The following PIP4K2A variants were observed in gnomAD, a reference collection of about 807,000 sequenced individuals.
PIP4K2A encodes phosphatidylinositol-5-phosphate 4-kinase type 2 alpha.
PIP4K2A carries 14 observed loss-of-function variants against 42.9 expected under a neutral mutation model. The ratio of observed to expected loss-of-function variants is 0.33; its 90% CI spans 0.22 to 0.51. PIP4K2A has a LOEUF of 0.51. PIP4K2A is among the 20% of genes least tolerant of loss of function. The pLI is 0.97. For synonymous variants in PIP4K2A, 192 were observed against 192.2 expected (o/e 1.00, Z 0.01); for missense variants, 434 against 519.8 (o/e 0.83, Z 1.61).
chr10:22,600,326 C>T (rs573083688), intron 3 of PIP4K2A, among the ~76,000 whole-genome samples: 3 of 152,022 alleles, frequency 2.0e-5, no homozygotes, highest in Admixed American at 6.6e-5. Flanking sequence ...AAGCCACCCT[C>T]GTATAAGGGA....
intron 6 of PIP4K2A, among the ~76,000 whole-genome samples, chr10:22,561,102 G>T (rs1301919454): frequency 1.3e-5 from 2 of 152,174 alleles, no homozygotes; most frequent in African/African-American, 2.4e-5. Flanking sequence ...TTTAGAGGAG[G>T]CGAAACTGCT....
intron 5 of PIP4K2A, 94 bp downstream of exon 5, chr10:22,573,217 G>A (rs943962023): frequency 3.3e-5 from 37 of 1,117,264 alleles, no homozygotes; most frequent in Non-Finnish European, 4.5e-5. Context: ...AGTGCTGAGC[G>A]GCTCCTAAGC....
At chr10:22,683,999 CTGAA>C (rs1839714293) in intron 1 of PIP4K2A, among the ~76,000 whole-genome samples, 2 of 152,120 alleles carry the variant, frequency 1.3e-5, no homozygotes. Context: ...CCATTAGAAA[CTGAA>C]TGATTCCTAT....
chr10:22,579,404 TCTC>T (rs1366654291), intron 4 of PIP4K2A, among the ~76,000 whole-genome samples: 2 of 152,222 alleles, frequency 1.3e-5, no homozygotes, highest in Non-Finnish European at 1.5e-5. Context: ...CTTAAAATTC[TCTC>T]AACTTCCCAA....
intron 6 of PIP4K2A, among the ~76,000 whole-genome samples, chr10:22,552,791 G>A (rs901105998): frequency 6.6e-6 from 1 of 152,152 alleles, no homozygotes; most frequent in South Asian, 2.1e-4. Flanking sequence ...ATGTGTTGGC[G>A]ATGGGAGGCG....
At chr10:22,630,067 T>G (rs929115802) in intron 1 of PIP4K2A, among the ~76,000 whole-genome samples, 2 of 151,952 alleles carry the variant, frequency 1.3e-5, no homozygotes, top group African/African-American at 4.8e-5. Context: ...CCAGGCGCAG[T>G]AGCTCATGCT....
chr10:22,709,550 G>A (rs976071776), intron 1 of PIP4K2A, among the ~76,000 whole-genome samples: 2 of 152,072 alleles, frequency 1.3e-5, no homozygotes, highest in African/African-American at 4.8e-5. Flanking sequence ...AGATTTTGGT[G>A]GTTTATTATA....
chr10:22,595,025 A>G (rs1455978436), intron 3 of PIP4K2A, among the ~76,000 whole-genome samples: 2 of 152,352 alleles, frequency 1.3e-5, no homozygotes, highest in East Asian at 3.9e-4. Context: ...CAAAACATAG[A>G]ATGTACCTTT....
At chr10:22,605,034 C>T (rs1209450059) in intron 3 of PIP4K2A, among the ~76,000 whole-genome samples, 3 of 152,152 alleles carry the variant, frequency 2.0e-5, no homozygotes, top group African/African-American at 4.8e-5. Context: ...GGATACAGCC[C>T]CAGATTTACG....
At chr10:22,537,627 C>CTTATG (rs1835970819) in intron 9 of PIP4K2A, among the ~76,000 whole-genome samples, 1 of 152,156 alleles carries the variant, frequency 6.6e-6, no homozygotes, top group Admixed American at 6.5e-5. Context: ...GGAAACAATA[C>CTTATG]TTATGTTATA....
At chr10:22,646,123 A>C (rs1263532492) in intron 1 of PIP4K2A, 1 of 152,228 alleles carries the variant, frequency 6.6e-6, no homozygotes, top group Non-Finnish European at 1.5e-5. Context: ...TGAACAAAGA[A>C]GACTACATCT....
intron 1 of PIP4K2A, among the ~76,000 whole-genome samples, chr10:22,691,003 T>TC (rs1839856159): frequency 6.6e-6 from 1 of 152,082 alleles, no homozygotes; most frequent in Non-Finnish European, 1.5e-5. Context: ...AAGGATTTGG[T>TC]CCCCCACGTA....
intron 1 of PIP4K2A, among the ~76,000 whole-genome samples, chr10:22,619,755 C>A (rs1041502878): frequency 2.0e-5 from 3 of 152,114 alleles, no homozygotes; most frequent in Non-Finnish European, 4.4e-5. Flanking sequence ...TTTTCTAAGA[C>A]CATTTCTCAA....
At chr10:22,539,151 T>C (rs1185991400) in intron 9 of PIP4K2A, among the ~76,000 whole-genome samples, 3 of 152,116 alleles carry the variant, frequency 2.0e-5, no homozygotes, top group Non-Finnish European at 2.9e-5. Flanking sequence ...CAGGAGGTGT[T>C]TGCAGGCAGG....
At chr10:22,568,321 G>A (rs1836898864) in intron 5 of PIP4K2A, among the ~76,000 whole-genome samples, 1 of 152,110 alleles carries the variant, frequency 6.6e-6, no homozygotes, top group Non-Finnish European at 1.5e-5. Context: ...GGAGCGTTAA[G>A]TGCCTCTTTC....
At chr10:22,643,259 C>T (rs181159642) in intron 1 of PIP4K2A, among the ~76,000 whole-genome samples, 179 of 152,242 alleles carry the variant, frequency 1.2e-3, no homozygotes, top group African/African-American at 3.6e-3. Context: ...CAAATCTGGC[C>T]GCTGGCTGCT....
intron 1 of PIP4K2A, among the ~76,000 whole-genome samples, chr10:22,683,040 G>A (rs1407192073): frequency 6.7e-6 from 1 of 150,210 alleles, no homozygotes; most frequent in Non-Finnish European, 1.5e-5. Context: ...CATTTCTGAA[G>A]CCAAAAAGAA....
chr10:22,677,818 ATCAG>A (rs1241415051), intron 1 of PIP4K2A, among the ~76,000 whole-genome samples: 1 of 152,208 alleles, frequency 6.6e-6, no homozygotes, highest in Non-Finnish European at 1.5e-5. Flanking sequence ...TAGCATCTCA[ATCAG>A]TCAGTAAGGT....
At chr10:22,631,036 C>G (rs530747838) in intron 1 of PIP4K2A, among the ~76,000 whole-genome samples, 2 of 152,212 alleles carry the variant, frequency 1.3e-5, no homozygotes, top group African/African-American at 2.4e-5. Context: ...AGTCATGCAC[C>G]CTGCCCAGAA....
Sources: allele counts gnomAD v4.1 joint callset (sites outside exome capture counted in the v4.1 genomes callset), GRCh38; gene constraint gnomAD v4.1.1; transcripts MANE v1.5; gene names NCBI Gene and HGNC (gene_info 2026-07-23, HGNC 2026-07-21).